MCM9: variants seen among roughly 807,000 people sequenced by gnomAD.
MCM9 encodes the protein DNA helicase MCM9.
Under a neutral mutation model 72.8 loss-of-function variants are expected in MCM9, and 55 were observed. The observed-to-expected ratio is 0.76, with a 90% CI of 0.61 to 0.95. The LOEUF (loss-of-function observed/expected upper bound fraction) is 0.95, where lower values mean the gene tolerates loss of function less well. MCM9 is among the 40% of genes least tolerant of loss of function. The pLI is 0.00. For missense variants in MCM9, 1,279 were observed against 1,377.0 expected, an observed-to-expected ratio of 0.93 and a Z score of 1.13; for synonymous variants, 480 against 503.4, an observed-to-expected ratio of 0.95 and a Z score of 0.62.
intron 8 of MCM9, among the ~76,000 whole-genome samples, chr6:118,885,918 T>C (rs1778568671): frequency 6.6e-6 from 1 of 151,842 alleles, no homozygotes; most frequent in Non-Finnish European, 1.5e-5. Context: ...CTCAACAAAA[T>C]ACTAGCAAAC....
intron 9 of MCM9, among the ~76,000 whole-genome samples, chr6:118,835,623 G>A (rs1178159928): frequency 6.6e-6 from 1 of 152,170 alleles, no homozygotes; most frequent in African/African-American, 2.4e-5. Context: ...TTGTGAATGG[G>A]AGTTCACTCA....
chr6:118,931,448 C>A lies in MCM9; in HGVS notation c.276G>T (p.Met92Ile). Residue 92 changes from methionine to isoleucine, a missense_variant, in exon 3 of 14, where the codon ATG becomes ATT. Physicochemically the swap from Met to Ile is conservative, Grantham distance 10. Transcript: ENST00000619706. ...QSLSQPEAVS[M>I]KQNLHARISG... Reference sequence around the variant, plus strand: ...ATATCCTGGCATGAAGATTCTGTTTCATGGAAACAGCCTCAGGCTGAGAAA... The same window carrying A: ...ATATCCTGGCATGAAGATTCTGTTTAATGGAAACAGCCTCAGGCTGAGAAA... 1 of 1,612,292 alleles carries A rather than the reference C, an allele frequency of 6.2e-7. No individual in the cohort carries two copies. The highest frequency in any genetic ancestry group is 8.5e-7 in the Non-Finnish European group (1 of 1,178,438).
At chr6:118,845,733 T>C (rs141030857) in intron 9 of MCM9, among the ~76,000 whole-genome samples, 4,074 of 151,934 alleles carry the variant, frequency 0.027, 86 homozygotes, top group Middle Eastern at 0.051. Flanking sequence ...CAGCCTGTCA[T>C]AGGTGGCAAA....
chr6:118,820,769 A>C lies in MCM9; in HGVS notation c.1962-4475T>G, dbSNP rs999617311. ...TGTGTGGGAGTCTAAGTTTCTTTGA[A>C]GGTCTCTAAGGACTTCTTTTATGAA... is the stretch of plus-strand genomic sequence containing the variant. On this transcript the variant is annotated intron_variant, in intron 13 of 13. Coordinates refer to ENST00000619706, the MANE Select transcript of MCM9 (RefSeq NM_017696.3). Among the ~76,000 whole-genome samples the C allele has an allele frequency of 3.9e-5, 6 of 152,160 alleles. No individual in the cohort carries two copies. In the East Asian group the frequency reaches 7.7e-4, roughly 20 times the overall value.
rs1157424891 is a variant in MCM9, at chr6:118,814,868, C to A, written c.3388G>T (p.Ala1130Ser). 1 of 1,534,358 alleles carries A rather than the reference C, an allele frequency of 6.5e-7. No individual in the cohort carries two copies. The highest frequency in any genetic ancestry group is 1.4e-5 in the African/African-American group (1 of 72,054). Reference protein sequence around the residue: ...LFTLPELGDEAFDCDWDEEMR... With the variant: ...LFTLPELGDESFDCDWDEEMR... ...TCTTCATCCCAGTCACAATCAAATG[C>A]TTCATCACCTAGTTCTGGTAAAGTG... The change falls in exon 14 of 14, where the codon GCA becomes TCA. Residue 1130 changes from alanine to serine, a missense_variant. Coordinates refer to ENST00000619706, the MANE Select transcript of MCM9 (RefSeq NM_017696.3).
chr6:118,860,481 C>T (rs1776830862), intron 8 of MCM9, among the ~76,000 whole-genome samples: 1 of 152,014 alleles, frequency 6.6e-6, no homozygotes, highest in South Asian at 2.1e-4. Flanking sequence ...AAAGGTGTAA[C>T]ATACATGTGA....
chr6:118,894,723 T>C (rs1779231509), intron 8 of MCM9, among the ~76,000 whole-genome samples: 1 of 152,204 alleles, frequency 6.6e-6, no homozygotes, highest in South Asian at 2.1e-4. Context: ...CCTGCCGGGC[T>C]CAACTTGCGA....
intron 9 of MCM9, 86 bp downstream of exon 9, chr6:118,856,285 C>T (rs1319980987): frequency 1.4e-5 from 19 of 1,348,450 alleles, no homozygotes; most frequent in Non-Finnish European, 1.8e-5. Context: ...ACCAAACATA[C>T]CTTATAGCTC....
intron 8 of MCM9, among the ~76,000 whole-genome samples, chr6:118,863,233 T>C (rs970087333): frequency 4.6e-5 from 7 of 152,176 alleles, no homozygotes; most frequent in Non-Finnish European, 1.0e-4. Context: ...ATGAAAGATC[T>C]AAGGACAAGG....
At chr6:118,911,933 C>T in intron 7 of MCM9, 164 bp from the exon 8 acceptor site, 2 of 509,660 alleles carry the variant, frequency 3.9e-6, no homozygotes, top group East Asian at 6.1e-5. Context: ...ATAAACAGTC[C>T]TTAATTGATT....
intron 9 of MCM9, among the ~76,000 whole-genome samples, chr6:118,837,576 G>T (rs1248765681): frequency 2.0e-5 from 3 of 152,148 alleles, no homozygotes; most frequent in African/African-American, 7.2e-5. Context: ...TATATATTCA[G>T]GATAGTTAGG....
chr6:118,844,637 A>G (rs1011784134), intron 9 of MCM9, among the ~76,000 whole-genome samples: 23 of 151,948 alleles, frequency 1.5e-4, no homozygotes, highest in African/African-American at 5.6e-4. Flanking sequence ...TGTAAAAACT[A>G]TTACAGAGCC....
At chr6:118,829,026 T>C (rs1356324229) in intron 10 of MCM9, 22 bp downstream of exon 10, 24 of 1,546,328 alleles carry the variant, frequency 1.6e-5, no homozygotes, top group African/African-American at 2.7e-5. Flanking sequence ...TTATTTTGAA[T>C]GCTTTGTTTG....
intron 6 of MCM9, among the ~76,000 whole-genome samples, chr6:118,916,355 T>TAC (rs1207004284): frequency 2.0e-5 from 3 of 148,468 alleles, no homozygotes; most frequent in African/African-American, 4.9e-5. Flanking sequence ...GCTATACATT[T>TAC]ACACACACAC....
At chr6:118,915,954 T>A (rs1780909653) in intron 6 of MCM9, among the ~76,000 whole-genome samples, 1 of 152,152 alleles carries the variant, frequency 6.6e-6, no homozygotes, top group Admixed American at 6.5e-5. Flanking sequence ...ATGATGGCCT[T>A]CCCTTCATTG....
At chr6:118,918,291 T>G (rs1781129676) in intron 5 of MCM9, 2 of 153,878 alleles carry the variant, frequency 1.3e-5, no homozygotes, top group South Asian at 4.0e-4. Flanking sequence ...CCACATCTTT[T>G]TTAGTGAACC....
chr6:118,848,820 G>C (rs1168746084), intron 9 of MCM9, among the ~76,000 whole-genome samples: 1 of 152,074 alleles, frequency 6.6e-6, no homozygotes, highest in Non-Finnish European at 1.5e-5. Flanking sequence ...GCTTCAGGAG[G>C]CTGAGACAGG....
chr6:118,834,196 T>A lies in MCM9; in HGVS notation c.1326-4946A>T, dbSNP rs143023841. Among the ~76,000 whole-genome samples, 805 of 152,314 alleles carry A rather than the reference T, an allele frequency of 5.3e-3. 8 individuals carry two copies. The highest frequency in any genetic ancestry group is 0.019 in the African/African-American group (779 of 41,568). ...TGTCCCTGCAAAGGACACGAATTCATCCTTTATGGCTGCATAGTATTCCGT... is the reference window on the plus strand; with the variant it reads ...TGTCCCTGCAAAGGACACGAATTCAACCTTTATGGCTGCATAGTATTCCGT... On this transcript the variant is annotated intron_variant, in intron 9 of 13. Coordinates refer to ENST00000619706, the MANE Select transcript of MCM9 (RefSeq NM_017696.3).
intron 13 of MCM9, among the ~76,000 whole-genome samples, chr6:118,817,581 T>C (rs948770807): frequency 2.6e-5 from 4 of 152,200 alleles, no homozygotes; most frequent in Admixed American, 6.5e-5. Flanking sequence ...CTATTGTAAA[T>C]AGAGCTGCAA....
Sources: allele counts gnomAD v4.1 joint callset (sites outside exome capture counted in the v4.1 genomes callset), GRCh38; gene constraint gnomAD v4.1.1; transcripts MANE v1.5; gene names NCBI Gene and HGNC (gene_info 2026-07-23, HGNC 2026-07-21).